Variants in RBPJ observed in about 807,000 individuals in gnomAD.
RBPJ encodes recombining binding protein suppressor of hairless.
Under a neutral mutation model 67.8 loss-of-function variants are expected in RBPJ, and 9 were observed. That is an observed-to-expected ratio of 0.13 (90% CI 0.08 to 0.23). The LOEUF (loss-of-function observed/expected upper bound fraction) is 0.23. Ranked by LOEUF, RBPJ falls within the 10% of genes least tolerant of loss-of-function variation. The probability of loss-of-function intolerance (pLI) is 1.00; values close to 1 mark genes in which losing one functional copy is unlikely to be tolerated. For synonymous variants in RBPJ, 198 were observed against 203.3 expected (o/e 0.97, Z 0.22); for missense variants, 305 against 595.6 (o/e 0.51, Z 5.08).
In RBPJ at chr4:26,199,317, G is replaced by A. The variant is rs574487208; in HGVS notation, c.-167+35703G>A. ...AAATTAGCTGGGCATGGTGGTGTGCGCCTGTAGTCCCAGCTACTTGGGAGG... is the reference window on the plus strand; with the variant it reads ...AAATTAGCTGGGCATGGTGGTGTGCACCTGTAGTCCCAGCTACTTGGGAGG... On this transcript the variant is annotated intron_variant, in intron 1 of 4. Coordinates refer to the RBPJ transcript ENST00000512351. Among the ~76,000 whole-genome samples the A allele has an allele frequency of 1.2e-3, 180 of 152,264 alleles. 1 individual carries two copies. Among genetic ancestry groups the A allele is most frequent in the Admixed American group, 1.7e-3 (26 of 15,294 alleles).
At chr4:26,324,424 GT>G (rs1723411619) in intron 1 of RBPJ, among the ~76,000 whole-genome samples, 1 of 151,714 alleles carries the variant, frequency 6.6e-6, no homozygotes, top group Non-Finnish European at 1.5e-5. Flanking sequence ...GTGTGTGTGT[GT>G]GGTGTAAGAG....
At position 26,358,298 on chromosome 4, in the gene RBPJ, T is replaced by C. The variant is rs138609153; in HGVS notation, c.21-28055T>C. ...AGTACCATAATGGTCAAAGGTTTAGTATAAAGTTAATAGAAGACCTGAGAT... is the reference window on the plus strand; with the variant it reads ...AGTACCATAATGGTCAAAGGTTTAGCATAAAGTTAATAGAAGACCTGAGAT... On this transcript the variant is annotated intron_variant, in intron 1 of 10. Transcript: ENST00000355476. Among the ~76,000 whole-genome samples the C allele has an allele frequency of 6.6e-4, 100 of 152,162 alleles. 1 individual carries two copies. The highest frequency in any genetic ancestry group is 2.3e-3 in the African/African-American group (97 of 41,492).
chr4:26,349,825 C>CT (rs1409858919), intron 1 of RBPJ, among the ~76,000 whole-genome samples: 1 of 152,198 alleles, frequency 6.6e-6, no homozygotes, highest in Non-Finnish European at 1.5e-5. Flanking sequence ...ATCGGCAGTA[C>CT]TTTGTGCCAT....
At chr4:26,308,814 C>T (rs575317134) in intron 1 of RBPJ, among the ~76,000 whole-genome samples, 2 of 152,116 alleles carry the variant, frequency 1.3e-5, no homozygotes, top group African/African-American at 4.8e-5. Flanking sequence ...AAGAGTGAAA[C>T]CTTTCTGGTA....
At chr4:26,287,709 GAGAA>G (rs111972394) in intron 1 of RBPJ, among the ~76,000 whole-genome samples, 76,751 of 138,712 alleles carry the variant, frequency 0.55, 22,056 homozygotes, top group African/African-American at 0.73. Flanking sequence ...AGAAAAGAAA[GAGAA>G]AGAAAGAAGA....
chr4:26,208,666 G>C (rs145546699), intron 1 of RBPJ, among the ~76,000 whole-genome samples: 163 of 152,204 alleles, frequency 1.1e-3, no homozygotes, highest in African/African-American at 3.7e-3. Context: ...ACCACGATTT[G>C]CACAATTTTC....
At chr4:26,321,219 CTCTGCGCTGCCGT>C (rs1389530518) in intron 1 of RBPJ, 171 bp downstream of exon 1, 14 of 163,776 alleles carry the variant, frequency 8.5e-5, no homozygotes, top group Non-Finnish European at 1.6e-4. Flanking sequence ...TGCGCTGCCG[CTCTGCGCTGCCGT>C]GGCTCAGGCT....
intron 1 of RBPJ, among the ~76,000 whole-genome samples, chr4:26,224,458 C>T (rs1431208370): frequency 2.6e-5 from 4 of 152,144 alleles, no homozygotes; most frequent in Non-Finnish European, 4.4e-5. Flanking sequence ...AATATTTCAA[C>T]GTAGGTTCTT....
At chr4:26,403,232 AT>A (rs11288388) in intron 2 of RBPJ, among the ~76,000 whole-genome samples, 103,212 of 145,224 alleles carry the variant, frequency 0.71, 36,603 homozygotes, top group East Asian at 0.83. Context: ...AAAGGGATGG[AT>A]TTTTTTTTTT....
At chr4:26,315,167 AATATATAT>A (rs67496694), upstream of RBPJ, among the ~76,000 whole-genome samples, 2 of 74,774 alleles carry the variant, frequency 2.7e-5, no homozygotes, top group Admixed American at 1.7e-4. Flanking sequence ...AAAAAAAAAA[AATATATAT>A]ATATATATAT....
intron 1 of RBPJ, among the ~76,000 whole-genome samples, chr4:26,283,904 A>G (rs1721370811): frequency 2.0e-5 from 3 of 152,136 alleles, no homozygotes; most frequent in Admixed American, 6.5e-5. Context: ...TCAGCCTCCC[A>G]AAGTGCTGGG....
At chr4:26,429,559 GT>G (rs1736009925) in intron 8 of RBPJ, among the ~76,000 whole-genome samples, 1 of 152,188 alleles carries the variant, frequency 6.6e-6, no homozygotes, top group Non-Finnish European at 1.5e-5. Context: ...TCCTTGAAGA[GT>G]TTTAAACAGC....
intron 1 of RBPJ, among the ~76,000 whole-genome samples, chr4:26,200,720 C>T (rs1216084882): frequency 1.3e-5 from 2 of 152,072 alleles, no homozygotes; most frequent in Non-Finnish European, 2.9e-5. Context: ...ACTATCCTCC[C>T]GTGTAATAGG....
chr4:26,371,169 T>C (rs1729127869), intron 1 of RBPJ, among the ~76,000 whole-genome samples: 1 of 152,252 alleles, frequency 6.6e-6, no homozygotes, highest in Admixed American at 6.5e-5. Flanking sequence ...AGATCAGTTT[T>C]TTTAAATCAT....
At chr4:26,268,286 A>G (rs1720771289) in intron 1 of RBPJ, among the ~76,000 whole-genome samples, 1 of 152,158 alleles carries the variant, frequency 6.6e-6, no homozygotes, top group African/African-American at 2.4e-5. Flanking sequence ...ACAAAAACCA[A>G]GTGTCCTCTT....
chr4:26,205,350 C>A (rs1376723151), intron 1 of RBPJ, among the ~76,000 whole-genome samples: 1 of 152,228 alleles, frequency 6.6e-6, no homozygotes, highest in African/African-American at 2.4e-5. Flanking sequence ...ATGGAGGGCC[C>A]ATGAGGCTGG....
At chr4:26,217,176 A>G (rs1295462680) in intron 1 of RBPJ, among the ~76,000 whole-genome samples, 1 of 152,232 alleles carries the variant, frequency 6.6e-6, no homozygotes, top group Non-Finnish European at 1.5e-5. Flanking sequence ...AATTACTCAC[A>G]TTGACAAAGG....
chr4:26,263,312 C>G (rs143867234), intron 1 of RBPJ, among the ~76,000 whole-genome samples: 6 of 139,934 alleles, frequency 4.3e-5, no homozygotes, highest in African/African-American at 7.7e-5. Context: ...ACCACCCAGC[C>G]CCCCCGCCCC....
rs938254576 is a variant in RBPJ at position 26,431,892 on chromosome 4, A to G, written c.*885A>G. On this transcript the variant is annotated 3_prime_UTR_variant, in exon 11 of 11. Coordinates refer to ENST00000355476, the MANE Select transcript of RBPJ (RefSeq NM_015874.6). ...TGAGAGGTTCTAACATTCACATGCA[A>G]TTTGGTGTGGCCATTTAGCTATTAA... The G allele has an allele frequency of 1.5e-4, 23 of 152,106 alleles. No homozygotes were observed. Among genetic ancestry groups the G allele is most frequent in the African/African-American group, 5.6e-4 (23 of 41,414 alleles). 9.4% of individuals were successfully genotyped at this position (152,106 alleles called of 1,614,324 possible).
Sources: allele counts gnomAD v4.1 joint callset (sites outside exome capture counted in the v4.1 genomes callset), GRCh38; gene constraint gnomAD v4.1.1; transcripts MANE v1.5; gene names NCBI Gene and HGNC (gene_info 2026-07-23, HGNC 2026-07-21).